The following KANK1 variants were observed in gnomAD, a reference collection of about 807,000 sequenced individuals.
The protein encoded by KANK1 is KN motif and ankyrin repeat domain-containing protein 1.
KANK1 carries 109 observed loss-of-function variants against 106.2 expected under a neutral mutation model. The ratio of observed to expected loss-of-function variants is 1.03; its 90% CI spans 0.88 to 1.20. KANK1 has a LOEUF of 1.20. KANK1 is among the 50% of genes most tolerant of loss of function. KANK1 has a pLI of 0.00. For missense variants in KANK1, 2,399 were observed against 1,710.7 expected, an observed-to-expected ratio of 1.40 and a Z score of -7.10; for synonymous variants, 873 against 652.2, an observed-to-expected ratio of 1.34 and a Z score of -5.16.
At chr9:578,149 A>T (rs1205205358) in intron 1 of KANK1, among the ~76,000 whole-genome samples, 2 of 152,216 alleles carry the variant, frequency 1.3e-5, no homozygotes, top group African/African-American at 4.8e-5. Context: ...GAGCCAAATG[A>T]GGACTCCTCA....
chr9:722,898 TGAG>T (rs947943500), intron 3 of KANK1, among the ~76,000 whole-genome samples: 20 of 152,104 alleles, frequency 1.3e-4, no homozygotes. Context: ...ACCATCTCAT[TGAG>T]GAGACAGGGC....
At chr9:726,497 G>T (rs564487947) in intron 3 of KANK1, among the ~76,000 whole-genome samples, 2 of 152,228 alleles carry the variant, frequency 1.3e-5, no homozygotes, top group East Asian at 3.9e-4. Context: ...AAATTAGCTA[G>T]GCATGGTGGC....
At position 662,058 on chromosome 9, in the gene KANK1, A is replaced by T. The variant is rs563856984; in HGVS notation, c.-83-14832A>T. Among the ~76,000 whole-genome samples, 22 of 152,264 alleles carry T rather than the reference A, an allele frequency of 1.4e-4. 1 individual carries two copies. Among genetic ancestry groups the T allele is most frequent in the South Asian group, 8.3e-4 (4 of 4,824 alleles). On this transcript the variant is annotated intron_variant, in intron 1 of 11. Coordinates refer to ENST00000382297, the MANE Select transcript of KANK1 (RefSeq NM_015158.5). ...TCAGATGGGTAGAAGCCAAATGATG[A>T]GTGAACTCCCATTCACAATTGCTTG...
intron 3 of KANK1, among the ~76,000 whole-genome samples, chr9:483,516 A>C (rs769705710): frequency 6.6e-6 from 1 of 152,172 alleles, no homozygotes; most frequent in South Asian, 2.1e-4. Flanking sequence ...TGACACACCT[A>C]TGAGTCTTAG....
Position 734,825 on chromosome 9 carries a change from G to T in KANK1, c.3323G>T (p.Ser1108Ile). 1 of 1,611,970 alleles carries T rather than the reference G, an allele frequency of 6.2e-7. No individual in the cohort carries two copies. The highest frequency in any genetic ancestry group is 1.1e-5 in the South Asian group (1 of 91,044). The change falls in exon 7 of 12, where the codon AGC becomes ATC. Residue 1108 changes from serine to isoleucine, a missense_variant. Physicochemically the swap from Ser to Ile is moderately radical, Grantham distance 142. Coordinates refer to ENST00000382297, the MANE Select transcript of KANK1 (RefSeq NM_015158.5). ...ATAAATGACCCCAAAGCTTTGACCAGCAAAGATATGGTGAGTCTGACCTGC... is the reference window on the plus strand; with the variant it reads ...ATAAATGACCCCAAAGCTTTGACCATCAAAGATATGGTGAGTCTGACCTGC... ...NTINDPKALT[S>I]KDMRFCLNTL... is the part of the protein sequence containing the mutation.
chr9:570,497 G>C (rs562414993), intron 1 of KANK1, among the ~76,000 whole-genome samples: 1 of 152,118 alleles, frequency 6.6e-6, no homozygotes, highest in Non-Finnish European at 1.5e-5. Flanking sequence ...TGTCTCTGAG[G>C]TACTCTTACC....
chr9:500,129 C>T (rs564676295), upstream of KANK1, among the ~76,000 whole-genome samples: 2 of 152,184 alleles, frequency 1.3e-5, no homozygotes, highest in South Asian at 2.1e-4. Flanking sequence ...TTTTAAGCGC[C>T]TTTAACTCAA....
At chr9:586,811 A>T (rs1487040616) in intron 1 of KANK1, among the ~76,000 whole-genome samples, 1 of 152,094 alleles carries the variant, frequency 6.6e-6, no homozygotes, top group African/African-American at 2.4e-5. Context: ...CCTAAAGCAA[A>T]AGGGACTCTT....
At chr9:477,500 G>A (rs966978767) in intron 3 of KANK1, among the ~76,000 whole-genome samples, 4 of 152,150 alleles carry the variant, frequency 2.6e-5, no homozygotes, top group Admixed American at 1.3e-4. Flanking sequence ...TGATGTAAGA[G>A]GTGTCCCTAC....
chr9:513,059 G>A (rs1338389174), intron 1 of KANK1, among the ~76,000 whole-genome samples: 1 of 152,228 alleles, frequency 6.6e-6, no homozygotes, highest in African/African-American at 2.4e-5. Flanking sequence ...GTTGAGGCTT[G>A]ACAATGAGGC....
intron 3 of KANK1, among the ~76,000 whole-genome samples, chr9:724,321 C>T (rs942748993): frequency 1.3e-5 from 2 of 152,048 alleles, no homozygotes; most frequent in African/African-American, 4.8e-5. Flanking sequence ...ATCAGGGAAA[C>T]CAGATGTTTT....
chr9:579,918 A>T (rs1172774319), intron 1 of KANK1, among the ~76,000 whole-genome samples: 1 of 152,066 alleles, frequency 6.6e-6, no homozygotes, highest in Non-Finnish European at 1.5e-5. Flanking sequence ...ATATGACTCC[A>T]CCCCATGAGG....
chr9:734,090 C>A (rs985317600), intron 6 of KANK1: 7 of 105,208 alleles, frequency 6.7e-5, no homozygotes, highest in Admixed American at 4.6e-4. Flanking sequence ...GCCTGGGCAA[C>A]AGAGTGAGAC....
At chr9:511,953 T>G (rs964392293) in intron 1 of KANK1, among the ~76,000 whole-genome samples, 1 of 152,188 alleles carries the variant, frequency 6.6e-6, no homozygotes, top group African/African-American at 2.4e-5. Context: ...CGGTGTTGAC[T>G]GAGGTCATTC....
intron 2 of KANK1, among the ~76,000 whole-genome samples, chr9:686,491 C>T (rs1253755188): frequency 1.3e-5 from 2 of 152,088 alleles, no homozygotes; most frequent in East Asian, 1.9e-4. Context: ...TTTTAGAACA[C>T]GCTAGGGTGG....
At chr9:528,491 T>TCC (rs2059908832) in intron 1 of KANK1, among the ~76,000 whole-genome samples, 1 of 116,274 alleles carries the variant, frequency 8.6e-6, no homozygotes, top group Admixed American at 9.1e-5. Flanking sequence ...TTTTTTTTTT[T>TCC]TTTTTTTTGA....
At chr9:611,349 G>A (rs1830504857) in intron 1 of KANK1, among the ~76,000 whole-genome samples, 2 of 152,188 alleles carry the variant, frequency 1.3e-5, no homozygotes, top group African/African-American at 4.8e-5. Flanking sequence ...CAATGTGTAA[G>A]CTTGGATGAC....
At chr9:547,495 G>C (rs561853556) in intron 1 of KANK1, among the ~76,000 whole-genome samples, 3 of 151,948 alleles carry the variant, frequency 2.0e-5, no homozygotes, top group East Asian at 3.9e-4. Flanking sequence ...TTAAAAACAG[G>C]AAGTGTCTTA....
At chr9:471,393 G>A (rs1001261007) in intron 2 of KANK1, 1 of 152,302 alleles carries the variant, frequency 6.6e-6, no homozygotes, top group African/African-American at 2.4e-5. Flanking sequence ...GAAGTGGGGA[G>A]CATGCTGAGG....
Sources: allele counts gnomAD v4.1 joint callset (sites outside exome capture counted in the v4.1 genomes callset), GRCh38; gene constraint gnomAD v4.1.1; transcripts MANE v1.5; gene names NCBI Gene and HGNC (gene_info 2026-07-23, HGNC 2026-07-21).